The following EGFL6 variants were observed in gnomAD, a reference collection of about 807,000 sequenced individuals.
EGFL6 encodes the protein epidermal growth factor-like protein 6.
EGFL6 carries 42 observed loss-of-function variants against 43.1 expected under a neutral mutation model. The ratio of observed to expected loss-of-function variants is 0.98; its 90% CI spans 0.76 to 1.26. The LOEUF (loss-of-function observed/expected upper bound fraction) is 1.26, where lower values mean the gene tolerates loss of function less well. Among genes scored for constraint, EGFL6 ranks in the 50% most tolerant of loss-of-function variants. The pLI is 0.00. For missense variants in EGFL6, 429 were observed against 427.8 expected (o/e 1.00, Z -0.02); for synonymous variants, 164 against 163.2 (o/e 1.01, Z -0.04).
At chrX:13,593,711 T>C (rs766967782) in intron 2 of EGFL6, among the ~76,000 whole-genome samples, 3 of 111,611 alleles carry the variant, frequency 2.7e-5, no homozygotes, top group African/African-American at 6.5e-5. Context: ...AATGAATGAG[T>C]TGGTGGTAGA....
At chrX:13,606,249 A>G in intron 5 of EGFL6, 130 bp from the exon 6 acceptor site, 2 of 640,834 alleles carry the variant, frequency 3.1e-6, no homozygotes, top group Non-Finnish European at 4.8e-6. Flanking sequence ...TTGCCAGAGG[A>G]TATGATGTTG....
intron 4 of EGFL6, among the ~76,000 whole-genome samples, chrX:13,602,635 C>T (rs1226337165): frequency 9.0e-6 from 1 of 111,718 alleles, no homozygotes; most frequent in Non-Finnish European, 1.9e-5. Flanking sequence ...TCTTTCATGC[C>T]TGTCTCTTTT....
intron 6 of EGFL6, 101 bp from the exon 7 acceptor site, chrX:13,608,223 A>G: frequency 3.0e-6 from 3 of 1,015,192 alleles, no homozygotes; most frequent in Non-Finnish European, 2.7e-6. Context: ...TTGGTTTGTC[A>G]GGGGTGTTTA....
Position 13,603,437 on chromosome X carries a change from G to A in EGFL6, c.520+1G>A. 1 of 1,200,520 alleles carries A rather than the reference G, an allele frequency of 8.3e-7. No homozygotes were observed. Among genetic ancestry groups the A allele is most frequent in the Non-Finnish European group, 1.1e-6 (1 of 891,144 alleles). On this transcript the variant is annotated splice_donor_variant, in intron 5 of 11. Coordinates refer to ENST00000361306, the MANE Select transcript of EGFL6 (RefSeq NM_015507.4). LOFTEE classifies it high-confidence loss of function. ...GCCCCAAATGGAAGAGACTGTCTAG[G>A]TACAACAGCAGGAATCACCTCTACT...
At chrX:13,603,487 C>T in intron 5 of EGFL6, 51 bp downstream of exon 5, 1 of 1,122,342 alleles carries the variant, frequency 8.9e-7, no homozygotes, top group Non-Finnish European at 1.2e-6. Context: ...CTTGACTCCC[C>T]TTTTACTGAA....
intron 1 of EGFL6, among the ~76,000 whole-genome samples, chrX:13,577,260 G>C (rs1438877454): frequency 2.1e-5 from 2 of 97,376 alleles, no homozygotes; most frequent in African/African-American, 7.5e-5. Context: ...CCAAGGAAGG[G>C]GGATGGAGAG....
At chrX:13,621,936 A>G (rs1207512621) in intron 9 of EGFL6, among the ~76,000 whole-genome samples, 3 of 112,479 alleles carry the variant, frequency 2.7e-5, no homozygotes, top group East Asian at 2.8e-4. Flanking sequence ...ATAGTTTGCT[A>G]TATACTATTC....
In EGFL6 at chrX:13,574,011, T is replaced by C. The variant is rs145393154; in HGVS notation, c.74+4076T>C. Among the ~76,000 whole-genome samples, 846 of 112,092 alleles carry C rather than the reference T, an allele frequency of 7.5e-3. 7 individuals are homozygous for C. Among genetic ancestry groups the C allele is most frequent in the African/African-American group, 0.026 (789 of 30,809 alleles). On this transcript the variant is annotated intron_variant, in intron 1 of 11. Coordinates refer to ENST00000361306, the MANE Select transcript of EGFL6 (RefSeq NM_015507.4). The stretch of plus-strand genomic sequence containing the variant: ...GAAGCAGACTCTGTGTGTAATTTAT[T>C]TGAGAGGTGACCCCAGGAAGTTCTG...
intron 8 of EGFL6, 79 bp from the exon 9 acceptor site, chrX:13,619,080 CTTTG>C (rs2045735458): frequency 1.4e-6 from 1 of 738,851 alleles, no homozygotes; most frequent in East Asian, 3.2e-5. Context: ...ATCTAACCTT[CTTTG>C]TTTGGTCATT....
At chrX:13,612,085 TTTCTCGGAGAGGGGGA>T (rs2045691800) in intron 7 of EGFL6, among the ~76,000 whole-genome samples, 1 of 110,675 alleles carries the variant, frequency 9.0e-6, no homozygotes, top group Admixed American at 9.6e-5. Flanking sequence ...TTCTTGGGTG[TTTCTCGGAGAGGGGGA>T]TTTGGCAGGG....
intron 1 of EGFL6, among the ~76,000 whole-genome samples, chrX:13,583,007 G>C (rs765848513): frequency 5.4e-5 from 6 of 111,581 alleles, no homozygotes; most frequent in Admixed American, 2.8e-4. Flanking sequence ...AGGCTGTTTT[G>C]TGTATTACAA....
Position 13,594,946 on chromosome X carries a change from G to A in EGFL6, c.280+18G>A, listed in dbSNP as rs777427503. Reference sequence around the variant, plus strand: ...CAGTCAAGGTCAGTAAGGTAGCCCAGGGTCATAGTTCAAATTCAATCATTG... The same window carrying A: ...CAGTCAAGGTCAGTAAGGTAGCCCAAGGTCATAGTTCAAATTCAATCATTG... On this transcript the variant is annotated intron_variant, in intron 3 of 11. Coordinates refer to ENST00000361306, the MANE Select transcript of EGFL6 (RefSeq NM_015507.4). 4.4e-6 allele frequency: 5 copies of A among 1,147,806 alleles called. No individual in the cohort carries two copies. Among genetic ancestry groups the A allele is most frequent in the Non-Finnish European group, 5.9e-6 (5 of 841,662 alleles). 94.6% of individuals were successfully genotyped at this position (1,147,806 alleles called of 1,213,427 possible). A position where few individuals can be genotyped will look rare whatever the true frequency, so the allele number is the denominator to read the frequency against.
At chrX:13,629,205 C>T (rs979332745) in intron 11 of EGFL6, among the ~76,000 whole-genome samples, 3 of 111,848 alleles carry the variant, frequency 2.7e-5, no homozygotes, top group African/African-American at 9.8e-5. Context: ...AATACAAATC[C>T]AATCCACGTA....
intron 1 of EGFL6, among the ~76,000 whole-genome samples, chrX:13,571,534 T>C: frequency 9.0e-6 from 1 of 111,624 alleles, no homozygotes; most frequent in Non-Finnish European, 1.9e-5. Flanking sequence ...CAAATGCTGT[T>C]TGGAGATGAG....
intron 7 of EGFL6, among the ~76,000 whole-genome samples, chrX:13,614,751 T>TA (rs201583902): frequency 0.026 from 2,529 of 99,063 alleles, 74 homozygotes; most frequent in African/African-American, 0.091. Context: ...CCCTCCATAT[T>TA]TTTTTTTTTT....
At position 13,569,751 on chromosome X, in the gene EGFL6, C is replaced by T; in HGVS notation, c.-111C>T. The T allele has an allele frequency of 1.3e-6, 1 of 748,288 alleles. No individual in the cohort carries two copies. The highest frequency in any genetic ancestry group is 2.0e-6 in the Non-Finnish European group (1 of 494,370). The allele number at this position is 748,288 out of a possible 1,213,427, so 61.7% of individuals were successfully genotyped here. On this transcript the variant is annotated 5_prime_UTR_variant, in exon 1 of 12. Coordinates refer to ENST00000361306, the MANE Select transcript of EGFL6 (RefSeq NM_015507.4). ...CAGCACCCGGTAACTGCGAGTGGAG[C>T]GGAGGACCCGAGCGGCTGAGGAGAG...
rs1001846900 is a variant in EGFL6 at position 13,624,043 on chromosome X, A to G, written c.1285+118A>G. 5.6e-6 allele frequency: 3 copies of G among 539,761 alleles called. No homozygotes were observed. In the African/African-American group the frequency reaches 7.1e-5, roughly 13 times the overall value. The allele number at this position is 539,761 out of a possible 1,213,427, so 44.5% of individuals were successfully genotyped here. A position where few individuals can be genotyped will look rare whatever the true frequency, so the allele number is the denominator to read the frequency against. On this transcript the variant is annotated intron_variant, in intron 10 of 11. Coordinates refer to ENST00000361306, the MANE Select transcript of EGFL6 (RefSeq NM_015507.4). ...GAGCAGGGTTGTTTGTCATTTTTGG[A>G]AACTTTTAGACCTTCTGAGCTCTCC...
chrX:13,626,712 G>A (rs1364953298), intron 10 of EGFL6, among the ~76,000 whole-genome samples: 1 of 112,298 alleles, frequency 8.9e-6, no homozygotes, highest in Non-Finnish European at 1.9e-5. Context: ...CAGATTACCT[G>A]CAGTGCTAAA....
intron 1 of EGFL6, among the ~76,000 whole-genome samples, chrX:13,577,916 G>A (rs761451382): frequency 1.7e-4 from 19 of 112,058 alleles, no homozygotes; most frequent in African/African-American, 5.2e-4. Flanking sequence ...AAGTTAACAC[G>A]ATCGTGACTA....
Sources: allele counts gnomAD v4.1 joint callset (sites outside exome capture counted in the v4.1 genomes callset), GRCh38; gene constraint gnomAD v4.1.1; transcripts MANE v1.5; gene names NCBI Gene and HGNC (gene_info 2026-07-23, HGNC 2026-07-21).